RBFOX1: variants seen among roughly 807,000 people sequenced by gnomAD.
The protein encoded by RBFOX1 is RNA binding fox-1 homolog 1, also known as RNA binding protein fox-1 homolog 1.
A neutral mutation model predicts 57.7 loss-of-function variants in RBFOX1; 8 were observed. The ratio of observed to expected loss-of-function variants is 0.14; its 90% CI spans 0.08 to 0.25. RBFOX1 has a LOEUF of 0.25. Ranked by LOEUF, RBFOX1 falls within the 10% of genes least tolerant of loss-of-function variation. The pLI is 1.00. For missense variants in RBFOX1, 611 were observed against 548.5 expected (o/e 1.11, Z -1.14); for synonymous variants, 326 against 222.4 (o/e 1.47, Z -4.15).
rs76219711 is a variant in RBFOX1, at chr16:6,977,686, A to G, written c.-15-74371A>G. 1.4e-4 allele frequency among the ~76,000 whole-genome samples: 21 copies of G among 152,232 alleles called. No homozygotes were observed. In the East Asian group the frequency reaches 2.7e-3, roughly 20 times the overall value. On this transcript the variant is annotated intron_variant, in intron 3 of 15. Transcript: ENST00000550418. ...CTAACCGAGTGCCAAGCACATTAGC[A>G]CTTGGTGAATATTGATTGAAATGAA...
intron 1 of RBFOX1, among the ~76,000 whole-genome samples, chr16:6,226,511 T>G (rs762058778): frequency 1.4e-4 from 22 of 152,152 alleles, no homozygotes; most frequent in Non-Finnish European, 2.5e-4. Flanking sequence ...GACCACTCAT[T>G]GAAGCGGTGT....
At chr16:7,519,761 G>A in intron 5 of RBFOX1, 1 of 969,508 alleles carries the variant, frequency 1.0e-6, no homozygotes, top group Non-Finnish European at 1.2e-6. Flanking sequence ...AGGAAAGCAA[G>A]TATTTGTGAA....
At chr16:6,042,084 C>G (rs1440005357) in intron 1 of RBFOX1, among the ~76,000 whole-genome samples, 1 of 151,036 alleles carries the variant, frequency 6.6e-6, no homozygotes, top group Non-Finnish European at 1.5e-5. Flanking sequence ...ACAGTCTCAT[C>G]TCCTGGACTC....
At chr16:5,318,644 C>G (rs938582886) in intron 1 of RBFOX1, among the ~76,000 whole-genome samples, 1 of 152,192 alleles carries the variant, frequency 6.6e-6, no homozygotes, top group Non-Finnish European at 1.5e-5. Flanking sequence ...AGGGTTCCTC[C>G]TTGTGGTAGA....
At chr16:6,251,520 G>A (rs1005529234) in intron 1 of RBFOX1, among the ~76,000 whole-genome samples, 3 of 152,046 alleles carry the variant, frequency 2.0e-5, no homozygotes, top group Non-Finnish European at 2.9e-5. Flanking sequence ...ACATGGGTTT[G>A]GGGCTCTTTA....
intron 4 of RBFOX1, among the ~76,000 whole-genome samples, chr16:5,880,845 A>G (rs2057744200): frequency 6.6e-6 from 1 of 152,244 alleles, no homozygotes; most frequent in South Asian, 2.1e-4. Context: ...AAATAAATTA[A>G]AACATGATTC....
At chr16:6,842,367 A>G (rs1176018535) in intron 3 of RBFOX1, among the ~76,000 whole-genome samples, 2 of 152,096 alleles carry the variant, frequency 1.3e-5, no homozygotes, top group Non-Finnish European at 2.9e-5. Flanking sequence ...TTGTGCACAT[A>G]TAGAGAAGAA....
At chr16:6,803,560 C>A (rs182974316) in intron 3 of RBFOX1, among the ~76,000 whole-genome samples, 1 of 152,214 alleles carries the variant, frequency 6.6e-6, no homozygotes, top group Non-Finnish European at 1.5e-5. Flanking sequence ...CAAAAATCAG[C>A]CTTCTTAAAT....
intron 4 of RBFOX1, among the ~76,000 whole-genome samples, chr16:7,068,530 A>G (rs1312262349): frequency 1.3e-5 from 2 of 152,322 alleles, no homozygotes; most frequent in South Asian, 2.1e-4. Flanking sequence ...GTTACAAAAG[A>G]AGCATTGTTA....
At chr16:7,337,461 T>A (rs149351783) in intron 4 of RBFOX1, among the ~76,000 whole-genome samples, 1 of 152,288 alleles carries the variant, frequency 6.6e-6, no homozygotes, top group East Asian at 1.9e-4. Flanking sequence ...CTTGTGATAC[T>A]GAGATAGAGC....
intron 4 of RBFOX1, among the ~76,000 whole-genome samples, chr16:7,474,359 G>A (rs2062187206): frequency 6.6e-6 from 1 of 152,068 alleles, no homozygotes. Context: ...TGAGTAAATG[G>A]CCTCTTCTCA....
At chr16:7,197,458 A>C (rs529898906) in intron 4 of RBFOX1, among the ~76,000 whole-genome samples, 17 of 151,934 alleles carry the variant, frequency 1.1e-4, no homozygotes, top group Admixed American at 2.6e-4. Context: ...AAAAAAAAAA[A>C]AAAACATCAA....
At chr16:6,100,545 C>G (rs992298596) in intron 1 of RBFOX1, among the ~76,000 whole-genome samples, 9 of 152,308 alleles carry the variant, frequency 5.9e-5, no homozygotes, top group Admixed American at 5.9e-4. Context: ...ACTTAATAGA[C>G]TTTGATTGAA....
intron 3 of RBFOX1, among the ~76,000 whole-genome samples, chr16:5,796,293 A>G (rs1353100948): frequency 6.6e-6 from 1 of 152,224 alleles, no homozygotes; most frequent in Non-Finnish European, 1.5e-5. Flanking sequence ...GGAAGAAGGA[A>G]ACATGTTATG....
At chr16:5,806,495 C>T (rs1372284530) in intron 3 of RBFOX1, among the ~76,000 whole-genome samples, 1 of 152,180 alleles carries the variant, frequency 6.6e-6, no homozygotes, top group Non-Finnish European at 1.5e-5. Context: ...GCTGTGCTTG[C>T]CAAAGGCCCT....
At chr16:7,587,187 A>G in intron 6 of RBFOX1, 60 bp from the exon 7 acceptor site, 1 of 1,434,240 alleles carries the variant, frequency 7.0e-7, no homozygotes, top group Non-Finnish European at 9.2e-7. Flanking sequence ...TTACTACTGT[A>G]CATAGTAATG....
At chr16:6,215,753 C>T (rs59435636) in intron 1 of RBFOX1, among the ~76,000 whole-genome samples, 7,544 of 152,078 alleles carry the variant, frequency 0.05, 609 homozygotes, top group African/African-American at 0.17. Flanking sequence ...CACAGCTCTT[C>T]GAAAGCAAGT....
chr16:6,324,770 G>A (rs955027959), intron 2 of RBFOX1, among the ~76,000 whole-genome samples: 1 of 152,058 alleles, frequency 6.6e-6, no homozygotes, highest in East Asian at 1.9e-4. Flanking sequence ...ATCTAACTTC[G>A]AATTTAGAAA....
chr16:7,187,119 T>C (rs1449620707), intron 4 of RBFOX1, among the ~76,000 whole-genome samples: 2 of 151,358 alleles, frequency 1.3e-5, no homozygotes, highest in Non-Finnish European at 2.9e-5. Flanking sequence ...CAGTGAGCCA[T>C]GATGGTGCCA....
Sources: allele counts gnomAD v4.1 joint callset (sites outside exome capture counted in the v4.1 genomes callset), GRCh38; gene constraint gnomAD v4.1.1; transcripts MANE v1.5; gene names NCBI Gene and HGNC (gene_info 2026-07-23, HGNC 2026-07-21).